DGKH: variants seen among roughly 807,000 people sequenced by gnomAD.
The protein encoded by DGKH is diacylglycerol kinase eta, also known as DAG kinase eta.
A neutral mutation model predicts 159.3 loss-of-function variants in DGKH; 90 were observed. The observed-to-expected ratio is 0.57, with a 90% CI of 0.48 to 0.67. The LOEUF (loss-of-function observed/expected upper bound fraction) is 0.67. DGKH is among the 30% of genes least tolerant of loss of function. DGKH has a pLI of 0.00. For synonymous variants in DGKH, 536 were observed against 553.8 expected (o/e 0.97, Z 0.45); for missense variants, 1,181 against 1,506.1 (o/e 0.78, Z 3.57).
Position 42,230,570 on chromosome 13 carries a change from G to C in DGKH, c.*1382G>C, listed in dbSNP as rs79710974. On this transcript the variant is annotated 3_prime_UTR_variant, in exon 30 of 30. Transcript: ENST00000337343. ...CATTAATTATAATATTTTAAAATTT[G>C]TATATAAGAGAAATAAACAGGGTAC... The C allele has an allele frequency of 6.6e-6, 1 of 151,870 alleles. No individual in the cohort carries two copies. Among genetic ancestry groups the C allele is most frequent in the Non-Finnish European group, 1.5e-5 (1 of 67,948 alleles). 9.4% of individuals were successfully genotyped at this position (151,870 alleles called of 1,614,324 possible). A position where few individuals can be genotyped will look rare whatever the true frequency, so the allele number is the denominator to read the frequency against.
chr13:42,093,664 G>A (rs1028386440), intron 1 of DGKH, among the ~76,000 whole-genome samples: 5 of 152,186 alleles, frequency 3.3e-5, no homozygotes, highest in Admixed American at 1.3e-4. Context: ...ATACAGTGGA[G>A]TATTTTTCAG....
rs1193960000 is a variant in DGKH, at chr13:42,215,592, T to G, written c.3138T>G (p.Thr1046=). ...PRCPESLTRD[T]ATEIAINVKA... ...TTTTCTAGAGTCTTACAAGAGACAC[T>G]GCCACTGAAATAGCCATCAATGTGA... Residue 1046 remains threonine, a synonymous_variant, in exon 26 of 30, where the codon ACT becomes ACG. Coordinates refer to ENST00000337343, the MANE Select transcript of DGKH (RefSeq NM_178009.5). 1 of 1,610,770 alleles carries G rather than the reference T, an allele frequency of 6.2e-7. No individual in the cohort carries two copies.
At chr13:42,187,204 A>T in intron 14 of DGKH, 56 bp downstream of exon 14, 3 of 1,426,744 alleles carry the variant, frequency 2.1e-6, no homozygotes, top group Non-Finnish European at 3.0e-6. Flanking sequence ...CTCACATTCA[A>T]CTGTGTTTCA....
chr13:42,070,026 TTCCCAGTTA>T, intron 1 of DGKH: 2 of 885,214 alleles, frequency 2.3e-6, no homozygotes, highest in South Asian at 2.7e-5. Context: ...CATAGTACCT[TTCCCAGTTA>T]TAAATGTGAC....
chr13:42,241,450 A>G lies in DGKH; in HGVS notation c.*12262A>G, dbSNP rs1186726460. 1 of 152,212 alleles carries G rather than the reference A, an allele frequency of 6.6e-6. No homozygotes were observed. Among genetic ancestry groups the G allele is most frequent in the Non-Finnish European group, 1.5e-5 (1 of 68,018 alleles). 9.4% of individuals were successfully genotyped at this position (152,212 alleles called of 1,614,324 possible). On this transcript the variant is annotated 3_prime_UTR_variant, in exon 30 of 30. Transcript: ENST00000337343. ...TCCACAATTTTTACATTTTTGTATC[A>G]GCCACCAATAATTTTGACTGTTTTG...
chr13:42,083,516 G>C (rs1380011610), intron 1 of DGKH, among the ~76,000 whole-genome samples: 2 of 152,228 alleles, frequency 1.3e-5, no homozygotes, highest in African/African-American at 4.8e-5. Flanking sequence ...AGGAAGTTCT[G>C]GCGGGGTTCC....
rs1957584999 is a variant in DGKH, at chr13:42,209,480, C to T, written c.2850+15C>T. ...CAAGGGACAGAGTATGTAACAAAAA[C>T]ATTCTTCTAGAATATTGTCAGGTTT... On this transcript the variant is annotated intron_variant, in intron 23 of 29. Transcript: ENST00000337343. 6.4e-7 allele frequency: 1 copy of T among 1,566,340 alleles called. No individual in the cohort carries two copies. Among genetic ancestry groups the T allele is most frequent in the Non-Finnish European group, 8.6e-7 (1 of 1,160,650 alleles).
intron 3 of DGKH, among the ~76,000 whole-genome samples, chr13:42,151,491 G>GTGTGTGTT: frequency 8.7e-6 from 1 of 114,642 alleles, no homozygotes; most frequent in African/African-American, 3.3e-5. Context: ...GTGTGTGTGT[G>GTGTGTGTT]TGTGTGTGTG....
At chr13:42,199,500 G>A in intron 18 of DGKH, 66 bp from the exon 19 acceptor site, 1 of 1,150,706 alleles carries the variant, frequency 8.7e-7, no homozygotes, top group South Asian at 1.6e-5. Flanking sequence ...ACTATCTTGT[G>A]TACAAATTGT....
At position 42,236,773 on chromosome 13, in the gene DGKH, G is replaced by T. The variant is rs533603179; in HGVS notation, c.*7585G>T. On this transcript the variant is annotated 3_prime_UTR_variant, in exon 30 of 30. Transcript: ENST00000337343. ...CAAAAATTAGCCAGGTGTGGTGGTG[G>T]GTGCCTGTAATCCCAGCTACTCAGG... is the stretch of plus-strand genomic sequence containing the variant. 6.6e-6 allele frequency: 1 copy of T among 152,182 alleles called. No homozygotes were observed. Among genetic ancestry groups the T allele is most frequent in the Admixed American group, 6.6e-5 (1 of 15,264 alleles). 9.4% of individuals were successfully genotyped at this position (152,182 alleles called of 1,614,324 possible). A position where few individuals can be genotyped will look rare whatever the true frequency, so the allele number is the denominator to read the frequency against.
Position 42,096,877 on chromosome 13 carries a change from C to T in DGKH, c.193-30586C>T, listed in dbSNP as rs59853008. Among the ~76,000 whole-genome samples the T allele has an allele frequency of 6.3e-3, 965 of 152,230 alleles. 8 individuals are homozygous for T. Among genetic ancestry groups the T allele is most frequent in the African/African-American group, 0.022 (918 of 41,528 alleles). ...ATATGGGAAGAAAAAGTCCTGCACA[C>T]GTGGGTTTCCGTGTCTGAAGATGGT... is the stretch of plus-strand genomic sequence containing the variant. On this transcript the variant is annotated intron_variant, in intron 1 of 29. Transcript: ENST00000337343.
intron 1 of DGKH, among the ~76,000 whole-genome samples, chr13:42,105,455 A>G (rs968828591): frequency 3.9e-5 from 6 of 152,202 alleles, no homozygotes; most frequent in African/African-American, 1.2e-4. Context: ...TGGGAGATAC[A>G]TTCCAACCAT....
intron 29 of DGKH, among the ~76,000 whole-genome samples, chr13:42,228,540 C>G (rs1594247939): frequency 6.6e-6 from 1 of 151,856 alleles, no homozygotes; most frequent in Middle Eastern, 3.4e-3. Flanking sequence ...TGCCTTAGGA[C>G]TAATTGTGGG....
At chr13:42,040,742 C>T (rs1229530401) in intron 1 of DGKH, among the ~76,000 whole-genome samples, 1 of 148,502 alleles carries the variant, frequency 6.7e-6, no homozygotes, top group Non-Finnish European at 1.5e-5. Flanking sequence ...GTGGCTGGCC[C>T]CGGGCGGGGA....
At chr13:42,198,635 C>A in intron 18 of DGKH, 40 bp downstream of exon 18, 13 of 1,423,042 alleles carry the variant, frequency 9.1e-6, no homozygotes, top group African/African-American at 1.9e-5. Context: ...TTGGGTTTTT[C>A]TTGTTTTTTT....
intron 17 of DGKH, among the ~76,000 whole-genome samples, chr13:42,197,229 A>T (rs1957221817): frequency 6.8e-6 from 1 of 146,682 alleles, no homozygotes; most frequent in Non-Finnish European, 1.5e-5. Context: ...CAGCCTGGGC[A>T]ACAGAGTGAG....
chr13:42,071,170 G>T, intron 1 of DGKH: 1 of 545,706 alleles, frequency 1.8e-6, no homozygotes, highest in African/African-American at 1.9e-5. Context: ...GGCATCAAAA[G>T]GAAAGATCTT....
At chr13:42,171,628 G>C (rs558672080) in intron 11 of DGKH, among the ~76,000 whole-genome samples, 1 of 152,058 alleles carries the variant, frequency 6.6e-6, no homozygotes, top group South Asian at 2.1e-4. Context: ...GTTTCTACTC[G>C]TGGTTTTCCC....
At chr13:42,109,270 C>T (rs1349322444) in intron 1 of DGKH, among the ~76,000 whole-genome samples, 1 of 152,180 alleles carries the variant, frequency 6.6e-6, no homozygotes, top group African/African-American at 2.4e-5. Flanking sequence ...CTCACTGAGT[C>T]CTCACAACAC....
Sources: allele counts gnomAD v4.1 joint callset (sites outside exome capture counted in the v4.1 genomes callset), GRCh38; gene constraint gnomAD v4.1.1; transcripts MANE v1.5; gene names NCBI Gene and HGNC (gene_info 2026-07-23, HGNC 2026-07-21).